Variants in EMSY observed in about 807,000 individuals in gnomAD.
EMSY encodes the protein BRCA2-interacting transcriptional repressor EMSY.
EMSY carries 26 observed loss-of-function variants against 134.6 expected under a neutral mutation model. The observed-to-expected ratio is 0.19, with a 90% CI of 0.14 to 0.27. EMSY has a LOEUF of 0.27. Among genes scored for constraint, EMSY ranks in the 10% least tolerant of loss-of-function variants. The pLI is 1.00. For missense variants in EMSY, 1,305 were observed against 1,611.4 expected (o/e 0.81, Z 3.26); for synonymous variants, 579 against 577.8 (o/e 1.00, Z -0.03).
At chr11:76,512,140 T>G (rs967558759) in intron 9 of EMSY, among the ~76,000 whole-genome samples, 1 of 152,236 alleles carries the variant, frequency 6.6e-6, no homozygotes, top group Non-Finnish European at 1.5e-5. Flanking sequence ...TTTTAACTCA[T>G]GAATTATTTC....
chr11:76,537,063 T>C (rs1591006767), intron 15 of EMSY, among the ~76,000 whole-genome samples: 1 of 152,200 alleles, frequency 6.6e-6, no homozygotes, highest in Non-Finnish European at 1.5e-5. Flanking sequence ...TCTGTCGGTG[T>C]TATTTTTGAC....
At chr11:76,483,572 T>C (rs1949064617) in intron 8 of EMSY, among the ~76,000 whole-genome samples, 1 of 151,480 alleles carries the variant, frequency 6.6e-6, no homozygotes. Flanking sequence ...ACCAAGCAAA[T>C]GGAAAGCAAA....
chr11:76,467,209 C>T (rs951047882), intron 7 of EMSY, among the ~76,000 whole-genome samples: 2 of 152,146 alleles, frequency 1.3e-5, no homozygotes, highest in Non-Finnish European at 1.5e-5. Context: ...TAAGCTGGCC[C>T]TATATTAGGT....
At chr11:76,462,967 T>G (rs973037559) in intron 6 of EMSY, among the ~76,000 whole-genome samples, 1 of 152,218 alleles carries the variant, frequency 6.6e-6, no homozygotes, top group Non-Finnish European at 1.5e-5. Flanking sequence ...TTTAGGTGAT[T>G]GTTGCTAAGA....
chr11:76,527,071 T>C (rs955881118), intron 13 of EMSY, among the ~76,000 whole-genome samples: 1 of 152,208 alleles, frequency 6.6e-6, no homozygotes, highest in African/African-American at 2.4e-5. Context: ...GAGTTGTATT[T>C]ATTTTTTAAC....
chr11:76,546,081 A>T (rs1565369840), exon 20 of EMSY: 1 of 1,614,192 alleles, frequency 6.2e-7, no homozygotes, highest in Admixed American at 1.7e-5. Context: ...AAGCAGGATC[A>T]TTACCCTCCA....
At chr11:76,553,009 A>G (rs1233397814), downstream of EMSY, 1 of 152,372 alleles carries the variant, frequency 6.6e-6, no homozygotes, top group East Asian at 1.9e-4. Context: ...TGTGTGAAAT[A>G]TATCACATTT....
intron 8 of EMSY, among the ~76,000 whole-genome samples, chr11:76,482,410 T>A (rs998894856): frequency 1.3e-5 from 2 of 152,172 alleles, no homozygotes; most frequent in African/African-American, 4.8e-5. Flanking sequence ...TTTGATGAAT[T>A]GACAGAAGTA....
At chr11:76,496,599 G>C in intron 9 of EMSY, 130 bp downstream of exon 10, 1 of 1,004,338 alleles carries the variant, frequency 1.0e-6, no homozygotes, top group South Asian at 1.3e-5. Flanking sequence ...GTGTTTTACA[G>C]CTTTCAGCAT....
intron 17 of EMSY, among the ~76,000 whole-genome samples, chr11:76,541,473 G>T (rs961154927): frequency 6.6e-6 from 1 of 151,900 alleles, no homozygotes; most frequent in Admixed American, 6.6e-5. Flanking sequence ...ACTTCATTTG[G>T]TCCTCTTCTA....
chr11:76,543,031 T>C (rs949370930), intron 18 of EMSY, among the ~76,000 whole-genome samples: 2 of 152,212 alleles, frequency 1.3e-5, no homozygotes, highest in African/African-American at 4.8e-5. Flanking sequence ...AAGGTGGGTG[T>C]GTTATCCCTC....
intron 14 of EMSY, among the ~76,000 whole-genome samples, chr11:76,530,000 T>G (rs1451027759): frequency 6.6e-6 from 1 of 152,108 alleles, no homozygotes; most frequent in African/African-American, 2.4e-5. Context: ...GATAAAATGT[T>G]TAGTATGAGT....
intron 9 of EMSY, among the ~76,000 whole-genome samples, chr11:76,508,502 C>T (rs960527180): frequency 5.9e-5 from 9 of 152,192 alleles, no homozygotes; most frequent in African/African-American, 1.9e-4. Flanking sequence ...TAGCATTTTG[C>T]GAATGGTAAA....
chr11:76,470,898 C>T (rs1187732833), intron 7 of EMSY, among the ~76,000 whole-genome samples: 1 of 151,994 alleles, frequency 6.6e-6, no homozygotes, highest in Non-Finnish European at 1.5e-5. Flanking sequence ...AGTTCCTTTC[C>T]TTCATACTAT....
chr11:76,517,270 T>C (rs1208217295), intron 11 of EMSY, among the ~76,000 whole-genome samples: 2 of 152,178 alleles, frequency 1.3e-5, no homozygotes, highest in Admixed American at 6.5e-5. Context: ...TTAAAGATGT[T>C]AATTTTGGCT....
At chr11:76,528,585 C>CTTTTTTT (rs1202039448) in intron 14 of EMSY, 119 bp downstream of exon 15, 8 of 420,112 alleles carry the variant, frequency 1.9e-5, no homozygotes, top group African/African-American at 9.4e-5. Flanking sequence ...AATTCTTTTC[C>CTTTTTTT]TTTTTTTTTT....
At chr11:76,491,177 C>CTTTTTTT (rs61688457) in intron 8 of EMSY, among the ~76,000 whole-genome samples, 4 of 129,908 alleles carry the variant, frequency 3.1e-5, no homozygotes, top group African/African-American at 8.6e-5. Context: ...CTTCTTTTTT[C>CTTTTTTT]TTTTTTTTTT....
intron 9 of EMSY, among the ~76,000 whole-genome samples, chr11:76,511,751 A>AT (rs1950285714): frequency 6.6e-6 from 1 of 152,122 alleles, no homozygotes; most frequent in African/African-American, 2.4e-5. Context: ...AATGAAATAA[A>AT]TACTAGAAAT....
chr11:76,542,062 C>T, intron 17 of EMSY, 154 bp from the exon 19 acceptor site: 2 of 878,768 alleles, frequency 2.3e-6, no homozygotes, highest in Non-Finnish European at 3.7e-6. Context: ...TCACACAGCT[C>T]ATAGATGGGC....
Sources: gnomAD v4.1 joint callset for allele counts (sites outside exome capture counted in the v4.1 genomes callset) on GRCh38, gnomAD v4.1.1 for gene constraint, MANE v1.5 for transcripts, NCBI Gene and HGNC (gene_info 2026-07-23, HGNC 2026-07-21) for gene names.